Variants in VEPH1 observed in about 807,000 individuals in gnomAD.
The protein encoded by VEPH1 is ventricular zone-expressed PH domain-containing protein homolog 1.
Under a neutral mutation model 85.2 loss-of-function variants are expected in VEPH1, and 80 were observed. That is an observed-to-expected ratio of 0.94 (90% CI 0.78 to 1.13). VEPH1 has a LOEUF of 1.13. Ranked by LOEUF, VEPH1 falls within the 50% of genes most tolerant of loss-of-function variation. The pLI is 0.00. For synonymous variants in VEPH1, 297 were observed against 348.0 expected (o/e 0.85, Z 1.63); for missense variants, 955 against 980.5 (o/e 0.97, Z 0.35).
At chr3:157,480,650 AG>A (rs1737954912) in intron 2 of VEPH1, among the ~76,000 whole-genome samples, 1 of 152,164 alleles carries the variant, frequency 6.6e-6, no homozygotes, top group Non-Finnish European at 1.5e-5. Flanking sequence ...ATGGCTGTGC[AG>A]TATGCCATGG....
intron 7 of VEPH1, among the ~76,000 whole-genome samples, chr3:157,378,629 C>A (rs747627278): frequency 6.2e-4 from 94 of 151,918 alleles, no homozygotes; most frequent in Non-Finnish European, 1.1e-3. Flanking sequence ...TTTATATGCT[C>A]AATCAAACTC....
intron 5 of VEPH1, among the ~76,000 whole-genome samples, chr3:157,418,505 T>C (rs1308611796): frequency 2.0e-5 from 3 of 152,148 alleles, no homozygotes; most frequent in Admixed American, 6.5e-5. Context: ...AAAATCAATA[T>C]GCAAAAATCA....
At chr3:157,314,771 T>G (rs1038882779) in intron 10 of VEPH1, among the ~76,000 whole-genome samples, 1 of 152,090 alleles carries the variant, frequency 6.6e-6, no homozygotes, top group South Asian at 2.1e-4. Flanking sequence ...TCTTAAAACT[T>G]TAAGATAATT....
chr3:157,450,691 G>A (rs1358397835), intron 4 of VEPH1, among the ~76,000 whole-genome samples: 1 of 151,922 alleles, frequency 6.6e-6, no homozygotes, highest in Non-Finnish European at 1.5e-5. Flanking sequence ...TGAGCAAAGA[G>A]GTACTGAATT....
At chr3:157,416,092 G>T (rs985668041) in intron 5 of VEPH1, among the ~76,000 whole-genome samples, 1 of 152,094 alleles carries the variant, frequency 6.6e-6, no homozygotes, top group Non-Finnish European at 1.5e-5. Context: ...GATACCTAAT[G>T]CCTTATACAG....
chr3:157,342,411 A>T (rs1368297047), intron 9 of VEPH1, among the ~76,000 whole-genome samples: 1 of 152,218 alleles, frequency 6.6e-6, no homozygotes, highest in Non-Finnish European at 1.5e-5. Context: ...AAACCAACAA[A>T]GATCAAAAGA....
At chr3:157,467,910 G>A (rs1577728119) in intron 3 of VEPH1, among the ~76,000 whole-genome samples, 1 of 152,168 alleles carries the variant, frequency 6.6e-6, no homozygotes, top group African/African-American at 2.4e-5. Flanking sequence ...TCAATGAGTT[G>A]AGCATTTCAA....
chr3:157,459,210 C>A (rs1735622364), intron 4 of VEPH1, among the ~76,000 whole-genome samples: 1 of 152,212 alleles, frequency 6.6e-6, no homozygotes, highest in South Asian at 2.1e-4. Context: ...GGAGTCCATT[C>A]CTGGGACCTG....
intron 2 of VEPH1, among the ~76,000 whole-genome samples, chr3:157,482,109 C>T (rs1738161151): frequency 6.6e-6 from 1 of 152,122 alleles, no homozygotes. Flanking sequence ...TAATGTGATG[C>T]CTCCAGCTTT....
intron 4 of VEPH1, among the ~76,000 whole-genome samples, chr3:157,448,425 A>G (rs1043110564): frequency 2.0e-5 from 3 of 152,224 alleles, no homozygotes; most frequent in Middle Eastern, 3.2e-3. Context: ...AAATGCAGAA[A>G]AAGGGACATT....
At chr3:157,334,741 G>A (rs1272809071) in intron 9 of VEPH1, among the ~76,000 whole-genome samples, 1 of 152,202 alleles carries the variant, frequency 6.6e-6, no homozygotes, top group Non-Finnish European at 1.5e-5. Flanking sequence ...TCACGGGGGT[G>A]TAGAAAGTAA....
rs1386431694 is a variant in VEPH1 at position 157,436,735 on chromosome 3, C to A, written c.530-8247G>T. On this transcript the variant is annotated intron_variant, in intron 4 of 13. Transcript: ENST00000362010. ...TTTCCCTCGCTCTCCCACCCAGCCC[C>A]CTCCCCCACCAAATTCAGGGGAACT... 5 of 414,240 alleles carry A rather than the reference C, an allele frequency of 1.2e-5. 1 individual carries two copies. The highest frequency in any genetic ancestry group is 2.2e-5 in the Non-Finnish European group (5 of 228,730). 25.7% of individuals were successfully genotyped at this position (414,240 alleles called of 1,614,324 possible).
intron 11 of VEPH1, among the ~76,000 whole-genome samples, chr3:157,304,999 A>C (rs1354393516): frequency 1.4e-5 from 2 of 147,724 alleles, no homozygotes; most frequent in African/African-American, 5.0e-5. Flanking sequence ...CTCAGCAGAG[A>C]GAGCCAGGAA....
intron 4 of VEPH1, among the ~76,000 whole-genome samples, chr3:157,445,159 C>T (rs1734447328): frequency 6.6e-6 from 1 of 152,182 alleles, no homozygotes; most frequent in Admixed American, 6.5e-5. Context: ...CCCCATGCAA[C>T]AATACAGAAG....
intron 9 of VEPH1, among the ~76,000 whole-genome samples, chr3:157,347,642 G>C (rs191230728): frequency 6.6e-6 from 1 of 152,232 alleles, no homozygotes; most frequent in Non-Finnish European, 1.5e-5. Context: ...GGAGGGCAGC[G>C]TGGAGGCACC....
At chr3:157,396,150 G>A (rs1043954624) in intron 6 of VEPH1, among the ~76,000 whole-genome samples, 3 of 152,088 alleles carry the variant, frequency 2.0e-5, no homozygotes, top group Non-Finnish European at 2.9e-5. Flanking sequence ...TGTTCTCATT[G>A]TTCAGCTCCC....
At chr3:157,271,381 G>A (rs1257421136) in intron 12 of VEPH1, among the ~76,000 whole-genome samples, 1 of 152,140 alleles carries the variant, frequency 6.6e-6, no homozygotes, top group African/African-American at 2.4e-5. Flanking sequence ...CTGAGCAGTG[G>A]AGGAGAGTTA....
Position 157,428,392 on chromosome 3 carries a change from TG to T in VEPH1, c.625del (p.Gln209SerfsTer16). The T allele has an allele frequency of 6.2e-7, 1 of 1,614,166 alleles. No homozygotes were observed. The highest frequency in any genetic ancestry group is 8.5e-7 in the Non-Finnish European group (1 of 1,180,006). ...ATGGTACTGTTCTGGCTGTTCCAGC[TG>T]AGACATCAAGGCCAGGAGTTCTGTC... is the stretch of plus-strand genomic sequence containing the variant. ...HLTELLALMS[Q>X]LEQPEQYHLL... is the part of the protein sequence containing the mutation. On this transcript the variant is annotated frameshift_variant, in exon 5 of 14. Transcript: ENST00000362010. LOFTEE classifies it high-confidence loss of function.
chr3:157,413,395 A>G (rs1370271904), intron 6 of VEPH1: 3 of 876,652 alleles, frequency 3.4e-6, no homozygotes, highest in African/African-American at 1.8e-5. Context: ...ACTTATTGAC[A>G]TGATAGCTAT....
Sources: allele counts gnomAD v4.1 joint callset (sites outside exome capture counted in the v4.1 genomes callset), GRCh38; gene constraint gnomAD v4.1.1; transcripts MANE v1.5; gene names NCBI Gene and HGNC (gene_info 2026-07-23, HGNC 2026-07-21).